Variants in PGBD2 observed in about 807,000 individuals in gnomAD.
PGBD2 encodes piggyBac transposable element derived 2.
A neutral mutation model predicts 8.1 loss-of-function variants in PGBD2; 6 were observed. That is an observed-to-expected ratio of 0.74 (90% CI 0.40 to 1.46). The LOEUF is 1.46. PGBD2 is among the 40% of genes most tolerant of loss of function. PGBD2 has a pLI of 0.02. For missense variants in PGBD2, 802 were observed against 739.0 expected (o/e 1.09, Z -0.99); for synonymous variants, 318 against 272.2 (o/e 1.17, Z -1.66).
At chr1:248,874,942 A>G in the PGBD2 span, among the ~76,000 whole-genome samples, 267 of 142,752 alleles carry the variant, frequency 1.9e-3, no homozygotes, top group African/African-American at 7.8e-3. Flanking sequence ...AGATAGATAG[A>G]TAGATAGATA....
chr1:248,903,897 T>C (rs534492710), upstream of PGBD2, among the ~76,000 whole-genome samples: 52 of 152,348 alleles, frequency 3.4e-4, no homozygotes, highest in South Asian at 1.2e-3. Context: ...TAATTGCTGC[T>C]ATGTACTAAC....
chr1:248,883,276 A>G, the PGBD2 span, among the ~76,000 whole-genome samples: 14 of 151,990 alleles, frequency 9.2e-5, no homozygotes, highest in Middle Eastern at 6.8e-3. Context: ...GGCATGTGCC[A>G]CTACGCCTGG....
the PGBD2 span, among the ~76,000 whole-genome samples, chr1:248,894,967 G>C: frequency 6.6e-6 from 1 of 151,966 alleles, no homozygotes; most frequent in South Asian, 2.1e-4. Flanking sequence ...TGGCTATTTT[G>C]TTGTTGTTGT....
the PGBD2 span, among the ~76,000 whole-genome samples, chr1:248,873,952 C>T: frequency 6.6e-6 from 1 of 152,204 alleles, no homozygotes; most frequent in Non-Finnish European, 1.5e-5. Context: ...TCGAATCCCA[C>T]TTCTGACACA....
At chr1:248,877,001 A>T in the PGBD2 span, among the ~76,000 whole-genome samples, 2 of 152,224 alleles carry the variant, frequency 1.3e-5, no homozygotes, top group Non-Finnish European at 2.9e-5. Context: ...GTAGTCTGTG[A>T]GTACATGTGA....
At chr1:248,897,718 A>G in the PGBD2 span, among the ~76,000 whole-genome samples, 2 of 152,016 alleles carry the variant, frequency 1.3e-5, no homozygotes, top group Non-Finnish European at 2.9e-5. Context: ...GAAGCCAGGA[A>G]CCCAAGGGGC....
downstream of PGBD2, among the ~76,000 whole-genome samples, chr1:248,922,848 A>G (rs1487580648): frequency 6.6e-6 from 1 of 151,748 alleles, no homozygotes; most frequent in Non-Finnish European, 1.5e-5. Context: ...GTGCTGCTGG[A>G]CTCGGTTTGC....
chr1:248,913,796 T>A lies in PGBD2; in HGVS notation c.-47-20T>A. On this transcript the variant is annotated intron_variant, in intron 1 of 2. Transcript: ENST00000329291. Reference sequence around the variant, plus strand: ...CTTAAGATACAATTTTTTTTTAAATTGACTTTTCTTGTCTTACAGGTTCTT... The same window carrying A: ...CTTAAGATACAATTTTTTTTTAAATAGACTTTTCTTGTCTTACAGGTTCTT... The A allele has an allele frequency of 7.6e-7, 1 of 1,313,700 alleles. No individual in the cohort carries two copies. Among genetic ancestry groups the A allele is most frequent in the South Asian group, 1.2e-5 (1 of 81,426 alleles). The allele number at this position is 1,313,700 out of a possible 1,614,324, so 81.4% of individuals were successfully genotyped here.
chr1:248,892,734 C>T, the PGBD2 span, among the ~76,000 whole-genome samples: 1 of 152,186 alleles, frequency 6.6e-6, no homozygotes. Context: ...TTACTTGCAG[C>T]TTGGGCTACC....
downstream of PGBD2, among the ~76,000 whole-genome samples, chr1:248,924,614 C>G (rs191815887): frequency 3.0e-4 from 45 of 152,320 alleles, no homozygotes; most frequent in African/African-American, 1.1e-3. Context: ...ATTTCCCATG[C>G]ATGTGTCCAG....
At chr1:248,873,966 G>T in the PGBD2 span, among the ~76,000 whole-genome samples, 782 of 152,068 alleles carry the variant, frequency 5.1e-3, 12 homozygotes, top group African/African-American at 0.018. Context: ...TGACACATTC[G>T]TTTTATTAGC....
At chr1:248,915,960 T>G (rs1297764237) in intron 2 of PGBD2, among the ~76,000 whole-genome samples, 1 of 152,170 alleles carries the variant, frequency 6.6e-6, no homozygotes, top group African/African-American at 2.4e-5. Flanking sequence ...TGCCCAGGGC[T>G]CCCTGTTGCC....
the PGBD2 span, among the ~76,000 whole-genome samples, chr1:248,927,291 T>C: frequency 6.6e-6 from 1 of 152,074 alleles, no homozygotes; most frequent in South Asian, 2.1e-4. Context: ...CTCGCACATC[T>C]GGGAAGCTGA....
chr1:248,880,766 T>A, the PGBD2 span, among the ~76,000 whole-genome samples: 2 of 152,242 alleles, frequency 1.3e-5, no homozygotes, highest in Admixed American at 6.5e-5. Flanking sequence ...ATTTTATCTA[T>A]TACTGTGGTT....
chr1:248,877,478 C>T, the PGBD2 span, among the ~76,000 whole-genome samples: 1 of 151,990 alleles, frequency 6.6e-6, no homozygotes, highest in African/African-American at 2.4e-5. Flanking sequence ...TACACAGGTG[C>T]ATTCAGAATA....
the PGBD2 span, among the ~76,000 whole-genome samples, chr1:248,894,679 T>TTCCC: frequency 1.1e-4 from 16 of 144,698 alleles, no homozygotes; most frequent in East Asian, 4.1e-4. Context: ...TTTCCCTTTC[T>TTCCC]TCCCTCCCTC....
the PGBD2 span, among the ~76,000 whole-genome samples, chr1:248,893,579 TTCTGTTG>T: frequency 6.6e-6 from 1 of 152,250 alleles, no homozygotes; most frequent in African/African-American, 2.4e-5. Flanking sequence ...CTGAATAATA[TTCTGTTG>T]TCTGTATGTT....
downstream of PGBD2, among the ~76,000 whole-genome samples, chr1:248,922,197 C>T (rs1185260247): frequency 6.6e-6 from 1 of 151,804 alleles, no homozygotes; most frequent in Admixed American, 6.6e-5. Context: ...GTAGCTGGGA[C>T]CACAGGCGCC....
At chr1:248,921,189 G>C (rs1662279129), downstream of PGBD2, among the ~76,000 whole-genome samples, 1 of 152,042 alleles carries the variant, frequency 6.6e-6, no homozygotes, top group Non-Finnish European at 1.5e-5. Context: ...CATTGCTTTT[G>C]GTGTTTTAGA....
Sources: allele counts gnomAD v4.1 joint callset (sites outside exome capture counted in the v4.1 genomes callset), GRCh38; gene constraint gnomAD v4.1.1; transcripts MANE v1.5; gene names NCBI Gene and HGNC (gene_info 2026-07-23, HGNC 2026-07-21).